CHRM3: variants seen among roughly 807,000 people sequenced by gnomAD.
CHRM3 encodes the protein muscarinic acetylcholine receptor M3.
Under a neutral mutation model 41.8 loss-of-function variants are expected in CHRM3, and 11 were observed. The ratio of observed to expected loss-of-function variants is 0.26; its 90% CI spans 0.17 to 0.44. The LOEUF (loss-of-function observed/expected upper bound fraction) is 0.44. Among genes scored for constraint, CHRM3 ranks in the 20% least tolerant of loss-of-function variants. The pLI, the probability that CHRM3 is intolerant of heterozygous loss-of-function variation, is 1.00. For missense variants in CHRM3, 571 were observed against 745.4 expected (o/e 0.77, Z 2.72); for synonymous variants, 297 against 301.4 (o/e 0.99, Z 0.15).
intron 3 of CHRM3, among the ~76,000 whole-genome samples, chr1:239,604,444 G>A (rs1446571669): frequency 6.6e-6 from 1 of 152,028 alleles, no homozygotes; most frequent in Non-Finnish European, 1.5e-5. Flanking sequence ...ACCTCTTTTA[G>A]TTTATGACTG....
At chr1:239,472,247 G>C (rs750614520) in intron 1 of CHRM3, among the ~76,000 whole-genome samples, 3 of 152,106 alleles carry the variant, frequency 2.0e-5, no homozygotes, top group Admixed American at 6.6e-5. Context: ...TTGTCCTCAA[G>C]TATAGGTACT....
At chr1:239,860,325 TTA>T (rs1297525500) in intron 6 of CHRM3, among the ~76,000 whole-genome samples, 1 of 152,150 alleles carries the variant, frequency 6.6e-6, no homozygotes, top group Non-Finnish European at 1.5e-5. Flanking sequence ...TACAAAAACA[TTA>T]TTACTAAATG....
rs892375872 is a variant in CHRM3 at position 239,508,716 on chromosome 1, T to C, written c.-422+15909T>C. On this transcript the variant is annotated intron_variant, in intron 2 of 6. Coordinates refer to ENST00000676153, the MANE Select transcript of CHRM3 (RefSeq NM_001375978.1). ...ATGGTGGGTGTTCAACATATAATTA[T>C]TGATTACGTGAGTCATGAATCAAAT... 5.9e-5 allele frequency among the ~76,000 whole-genome samples: 9 copies of C among 152,312 alleles called. No homozygotes were observed. The East Asian group carries it at 1.4e-3, about 23-fold the overall frequency.
At chr1:239,497,576 C>A (rs988937707) in intron 2 of CHRM3, among the ~76,000 whole-genome samples, 6 of 152,184 alleles carry the variant, frequency 3.9e-5, no homozygotes, top group Non-Finnish European at 7.4e-5. Context: ...GAAAGAATAA[C>A]GAAAGGTTGA....
chr1:239,866,410 A>AC (rs1676112296), intron 6 of CHRM3, among the ~76,000 whole-genome samples: 1 of 152,104 alleles, frequency 6.6e-6, no homozygotes, highest in Non-Finnish European at 1.5e-5. Flanking sequence ...AAAAACAAAA[A>AC]AAAAAAAGCT....
chr1:239,638,017 G>GT (rs1395159156), intron 4 of CHRM3, among the ~76,000 whole-genome samples: 1 of 148,680 alleles, frequency 6.7e-6, no homozygotes, highest in Non-Finnish European at 1.5e-5. Flanking sequence ...GCAGTGTTTG[G>GT]TTTTTTGTTC....
chr1:239,504,929 G>T (rs1668469778), intron 2 of CHRM3, among the ~76,000 whole-genome samples: 1 of 151,958 alleles, frequency 6.6e-6, no homozygotes, highest in Admixed American at 6.6e-5. Flanking sequence ...TGGGAAGGGG[G>T]CAAGGGATAA....
chr1:239,677,425 C>CT (rs1219218567), intron 4 of CHRM3, among the ~76,000 whole-genome samples: 3 of 152,128 alleles, frequency 2.0e-5, no homozygotes, highest in Non-Finnish European at 2.9e-5. Flanking sequence ...CTAGTTGCGT[C>CT]TTTTTTTGTG....
At chr1:239,508,610 C>T (rs1668725757) in intron 2 of CHRM3, among the ~76,000 whole-genome samples, 1 of 152,180 alleles carries the variant, frequency 6.6e-6, no homozygotes, top group Admixed American at 6.5e-5. Flanking sequence ...AGCATAATCA[C>T]CAATAAACTC....
At chr1:239,493,838 A>G (rs1407449559) in intron 2 of CHRM3, among the ~76,000 whole-genome samples, 1 of 152,198 alleles carries the variant, frequency 6.6e-6, no homozygotes, top group Non-Finnish European at 1.5e-5. Flanking sequence ...GTTGAACCTG[A>G]TGCAGGAAAG....
chr1:239,612,933 G>T (rs1248780576), intron 3 of CHRM3, among the ~76,000 whole-genome samples: 1 of 152,116 alleles, frequency 6.6e-6, no homozygotes, highest in Non-Finnish European at 1.5e-5. Context: ...TCAATTACAG[G>T]ATGATAAGAA....
chr1:239,666,835 C>T (rs1208000773), intron 4 of CHRM3, among the ~76,000 whole-genome samples: 1 of 152,126 alleles, frequency 6.6e-6, no homozygotes, highest in Non-Finnish European at 1.5e-5. Context: ...CCTCCCAGCT[C>T]TAGTAGGCCC....
At chr1:239,475,379 G>T (rs1666401095) in intron 1 of CHRM3, among the ~76,000 whole-genome samples, 1 of 152,058 alleles carries the variant, frequency 6.6e-6, no homozygotes, top group Admixed American at 6.6e-5. Context: ...CTATAGGATT[G>T]TCATCCTCAA....
intron 5 of CHRM3, among the ~76,000 whole-genome samples, chr1:239,683,037 T>A (rs1239051272): frequency 1.3e-5 from 2 of 152,144 alleles, no homozygotes; most frequent in African/African-American, 4.8e-5. Context: ...AATACAGTAT[T>A]GTTAACCACA....
chr1:239,392,860 T>A (rs1056840207), intron 1 of CHRM3, among the ~76,000 whole-genome samples: 3 of 152,208 alleles, frequency 2.0e-5, no homozygotes, highest in Non-Finnish European at 2.9e-5. Flanking sequence ...GCCCATGGGA[T>A]CCAGACTGGA....
At chr1:239,437,913 G>T (rs527268159) in intron 1 of CHRM3, among the ~76,000 whole-genome samples, 1 of 152,180 alleles carries the variant, frequency 6.6e-6, no homozygotes. Flanking sequence ...GATTGTTGCA[G>T]ATTTCTAAGG....
intron 1 of CHRM3, among the ~76,000 whole-genome samples, chr1:239,452,301 A>C (rs1012643740): frequency 6.6e-6 from 1 of 152,226 alleles, no homozygotes; most frequent in Non-Finnish European, 1.5e-5. Context: ...ATTATTAAGC[A>C]ACTAACAGTT....
At chr1:239,595,612 G>T (rs181008545) in intron 3 of CHRM3, among the ~76,000 whole-genome samples, 5 of 152,044 alleles carry the variant, frequency 3.3e-5, no homozygotes, top group African/African-American at 1.2e-4. Flanking sequence ...TATCCAATTT[G>T]CCAAGCCTGT....
chr1:239,849,462 T>G (rs774629926), intron 6 of CHRM3, among the ~76,000 whole-genome samples: 5 of 152,224 alleles, frequency 3.3e-5, no homozygotes, highest in Non-Finnish European at 7.3e-5. Flanking sequence ...TTCATCTCTT[T>G]GAATACTAGA....
Sources: gnomAD v4.1 joint callset for allele counts (sites outside exome capture counted in the v4.1 genomes callset) on GRCh38, gnomAD v4.1.1 for gene constraint, MANE v1.5 for transcripts, NCBI Gene and HGNC (gene_info 2026-07-23, HGNC 2026-07-21) for gene names.